Variants in NDRG2 observed in about 807,000 individuals in gnomAD.
NDRG2 encodes the protein protein NDRG2.
In NDRG2, 34 loss-of-function variants were observed where a neutral mutation model predicts 58.2. The observed-to-expected ratio is 0.58, with a 90% CI of 0.44 to 0.78. The LOEUF (loss-of-function observed/expected upper bound fraction) is 0.78. NDRG2 is among the 30% of genes least tolerant of loss of function. The pLI is 0.00. For synonymous variants in NDRG2, 187 were observed against 175.9 expected (o/e 1.06, Z -0.50); for missense variants, 434 against 471.2 (o/e 0.92, Z 0.73).
chr14:21,019,095 CATT>C lies in NDRG2; in HGVS notation c.761+18_761+20del. On this transcript the variant is annotated intron_variant, in intron 11 of 15. Coordinates refer to ENST00000556147, the MANE Select transcript of NDRG2 (RefSeq NM_001320329.2). ...GGAAGATCCAGGGAGACAGGCAATG[CATT>C]ATCTCTTAAAGTCTTACCTGAGGGT... The C allele has an allele frequency of 6.3e-7, 1 of 1,593,238 alleles. No individual in the cohort carries two copies. Among genetic ancestry groups the C allele is most frequent in the Non-Finnish European group, 8.5e-7 (1 of 1,171,988 alleles).
intron 1 of NDRG2, chr14:21,031,899 C>G: frequency 6.2e-7 from 1 of 1,613,366 alleles, no homozygotes. Flanking sequence ...CAGAAAGCAA[C>G]AACAGTGGGT....
intron 1 of NDRG2, among the ~76,000 whole-genome samples, chr14:21,069,086 T>C (rs1043135452): frequency 1.3e-5 from 2 of 152,194 alleles, no homozygotes; most frequent in Admixed American, 1.3e-4. Context: ...CGATCTCCTC[T>C]CCTCTCCCTT....
intron 1 of NDRG2, chr14:21,043,317 T>G: frequency 6.2e-7 from 1 of 1,614,138 alleles, no homozygotes; most frequent in South Asian, 1.1e-5. Flanking sequence ...CCTGACCATG[T>G]GTAAGCTCAC....
upstream of NDRG2, chr14:21,030,785 G>A (rs752996516): frequency 3.7e-6 from 6 of 1,609,122 alleles, no homozygotes; most frequent in Non-Finnish European, 5.1e-6. Flanking sequence ...AGGTGGGGGT[G>A]AGAAGAACCT....
Position 21,017,534 on chromosome 14 carries a change from C to T in NDRG2, c.*62G>A, listed in dbSNP as rs1006495051. On this transcript the variant is annotated 3_prime_UTR_variant, in exon 16 of 16. Transcript: ENST00000556147. ...ACGGTGGCCCAATGCCCCTTCAGCA[C>T]CTCCCAGGTTAGCTCTGGGGGAGGT... is the stretch of plus-strand genomic sequence containing the variant. 2.5e-5 allele frequency: 39 copies of T among 1,550,094 alleles called. 1 individual carries two copies. The highest frequency in any genetic ancestry group is 3.3e-5 in the Non-Finnish European group (38 of 1,143,994).
In NDRG2 at chr14:21,021,802, T is replaced by C. The variant is rs1219188677; in HGVS notation, c.407+15A>G. 5 of 1,609,908 alleles carry C rather than the reference T, an allele frequency of 3.1e-6. No individual in the cohort carries two copies. The highest frequency in any genetic ancestry group is 2.7e-5 in the African/African-American group (2 of 74,934). ...AAAGAGAACTCTGGTTTGGAGGGGT[T>C]CCCAGGCCTCTCACTTTAGGTACTG... is the stretch of plus-strand genomic sequence containing the variant. On this transcript the variant is annotated intron_variant, in intron 6 of 15. Coordinates refer to ENST00000556147, the MANE Select transcript of NDRG2 (RefSeq NM_001320329.2).
At chr14:21,034,588 A>G (rs555591359) in intron 1 of NDRG2, 1 of 333,448 alleles carries the variant, frequency 3.0e-6, no homozygotes, top group South Asian at 9.3e-5. Context: ...GACTCTTCCC[A>G]AGAGTCCTTG....
At chr14:21,058,247 A>T in intron 1 of NDRG2, 1 of 1,614,158 alleles carries the variant, frequency 6.2e-7, no homozygotes, top group East Asian at 2.2e-5. Context: ...CCCAAACTGC[A>T]GGTACAAAGA....
Position 21,020,855 on chromosome 14 carries a change from G to A in NDRG2, c.408-11C>T. ...ATTATTGTAGAGAAACTGTGAAAGG[G>A]AAAGAAATATACGCCTCATGGGATC... On this transcript the variant is annotated splice_polypyrimidine_tract_variant and intron_variant, in intron 6 of 15. Transcript: ENST00000556147. The A allele has an allele frequency of 6.2e-7, 1 of 1,613,126 alleles. No homozygotes were observed. The highest frequency in any genetic ancestry group is 1.1e-5 in the South Asian group (1 of 90,946).
chr14:21,027,604 T>C (rs1353061801), upstream of NDRG2, among the ~76,000 whole-genome samples: 1 of 152,234 alleles, frequency 6.6e-6, no homozygotes, highest in African/African-American at 2.4e-5. Context: ...AAACTATGAA[T>C]TCATCAATAC....
chr14:21,059,155 G>A (rs1264678785), intron 1 of NDRG2, among the ~76,000 whole-genome samples: 4 of 152,216 alleles, frequency 2.6e-5, no homozygotes, highest in African/African-American at 9.6e-5. Flanking sequence ...GTGTGCGCAA[G>A]ACCAGAGTTC....
At chr14:21,023,736 C>T (rs1194865956) in intron 1 of NDRG2, 1 of 175,312 alleles carries the variant, frequency 5.7e-6, no homozygotes, top group Non-Finnish European at 1.2e-5. Context: ...GACAGGGTAC[C>T]AAAAGACGGG....
At chr14:21,050,568 A>G (rs1885417338) in intron 1 of NDRG2, among the ~76,000 whole-genome samples, 1 of 152,248 alleles carries the variant, frequency 6.6e-6, no homozygotes, top group African/African-American at 2.4e-5. Flanking sequence ...AAGTGCTAGT[A>G]ACCACAGAGG....
chr14:21,034,337 A>C (rs1206700399), intron 1 of NDRG2: 1 of 1,403,190 alleles, frequency 7.1e-7, no homozygotes, highest in Admixed American at 1.9e-5. Flanking sequence ...GTGGGCCTGA[A>C]GTGGCTGTCT....
At chr14:21,064,362 C>T (rs1293265114) in intron 1 of NDRG2, among the ~76,000 whole-genome samples, 3 of 151,402 alleles carry the variant, frequency 2.0e-5, no homozygotes, top group Non-Finnish European at 2.9e-5. Context: ...AGTGTAGTGG[C>T]GTGATCTTGG....
intron 1 of NDRG2, chr14:21,034,347 T>A: frequency 7.9e-7 from 1 of 1,268,378 alleles, no homozygotes; most frequent in Non-Finnish European, 1.1e-6. Context: ...AGTGGCTGTC[T>A]GCCACATCCC....
upstream of NDRG2, among the ~76,000 whole-genome samples, chr14:21,026,514 C>T (rs1012199366): frequency 6.7e-6 from 1 of 150,046 alleles, no homozygotes; most frequent in African/African-American, 2.5e-5. Flanking sequence ...CCTCCCACCA[C>T]CACCCTCACC....
chr14:21,029,037 T>C (rs1392744407), upstream of NDRG2: 1 of 152,246 alleles, frequency 6.6e-6, no homozygotes, highest in Admixed American at 6.5e-5. Flanking sequence ...TAGAAACTTA[T>C]CTGAAGATTT....
chr14:21,047,949 T>A (rs1286498398), intron 1 of NDRG2, among the ~76,000 whole-genome samples: 1 of 152,058 alleles, frequency 6.6e-6, no homozygotes, highest in Admixed American at 6.6e-5. Flanking sequence ...GCTCCAGGGA[T>A]TTCCTCTGCC....
Sources: gnomAD v4.1 joint callset for allele counts (sites outside exome capture counted in the v4.1 genomes callset) on GRCh38, gnomAD v4.1.1 for gene constraint, MANE v1.5 for transcripts, NCBI Gene and HGNC (gene_info 2026-07-23, HGNC 2026-07-21) for gene names.